CRIM1: variants seen among roughly 807,000 people sequenced by gnomAD.
The protein encoded by CRIM1 is cysteine rich transmembrane BMP regulator 1, also known as cysteine-rich motor neuron 1 protein.
CRIM1 carries 32 observed loss-of-function variants against 116.4 expected under a neutral mutation model. The observed-to-expected ratio is 0.27, with a 90% CI of 0.21 to 0.37. The LOEUF is 0.37. CRIM1 is among the 10% of genes least tolerant of loss of function. The probability of loss-of-function intolerance (pLI) is 1.00; values close to 1 mark genes in which losing one functional copy is unlikely to be tolerated. For synonymous variants in CRIM1, 590 were observed against 509.2 expected (o/e 1.16, Z -2.13); for missense variants, 1,331 against 1,354.8 (o/e 0.98, Z 0.28).
At chr2:36,441,638 C>A in intron 3 of CRIM1, 138 bp downstream of exon 3, 1 of 1,073,274 alleles carries the variant, frequency 9.3e-7, no homozygotes, top group Non-Finnish European at 1.3e-6. Flanking sequence ...CCACTTTGGG[C>A]TAATGGCAGC....
chr2:36,390,913 A>G (rs1156999106), intron 1 of CRIM1, among the ~76,000 whole-genome samples: 1 of 151,750 alleles, frequency 6.6e-6, no homozygotes, highest in African/African-American at 2.4e-5. Context: ...AGGTTCAAGC[A>G]ATTCTCATGC....
intron 4 of CRIM1, among the ~76,000 whole-genome samples, chr2:36,452,777 A>G (rs1676837859): frequency 6.6e-6 from 1 of 152,160 alleles, no homozygotes; most frequent in African/African-American, 2.4e-5. Context: ...GCTCTCAGTC[A>G]GTGGCTTCCA....
At chr2:36,492,619 G>C (rs1680305209) in intron 7 of CRIM1, among the ~76,000 whole-genome samples, 1 of 152,124 alleles carries the variant, frequency 6.6e-6, no homozygotes, top group African/African-American at 2.4e-5. Context: ...GACCAGTTAT[G>C]GGTCACATTT....
intron 1 of CRIM1, among the ~76,000 whole-genome samples, chr2:36,389,083 T>C (rs1021613771): frequency 1.3e-5 from 2 of 152,238 alleles, no homozygotes; most frequent in African/African-American, 4.8e-5. Context: ...TGGTTTATAG[T>C]TACATATGCT....
At chr2:36,431,392 C>G (rs181650080) in intron 2 of CRIM1, among the ~76,000 whole-genome samples, 2 of 152,318 alleles carry the variant, frequency 1.3e-5, no homozygotes, top group Admixed American at 1.3e-4. Flanking sequence ...TCAGCACCCT[C>G]TTTTTGTTCT....
chr2:36,434,203 G>A (rs1368372275), intron 2 of CRIM1, among the ~76,000 whole-genome samples: 1 of 152,226 alleles, frequency 6.6e-6, no homozygotes, highest in Non-Finnish European at 1.5e-5. Context: ...ACAAAGTAAT[G>A]CTGAATATAA....
At chr2:36,383,918 T>G (rs1479380936) in intron 1 of CRIM1, among the ~76,000 whole-genome samples, 1 of 152,194 alleles carries the variant, frequency 6.6e-6, no homozygotes, top group Non-Finnish European at 1.5e-5. Context: ...GGCCCTACTA[T>G]GTGCTGAGCC....
At chr2:36,520,650 C>G (rs1193235737) in intron 12 of CRIM1, among the ~76,000 whole-genome samples, 1 of 152,150 alleles carries the variant, frequency 6.6e-6, no homozygotes, top group Admixed American at 6.5e-5. Flanking sequence ...GATACAGTTA[C>G]TCAGTTTAAA....
At chr2:36,460,871 C>T (rs1677528180) in intron 4 of CRIM1, among the ~76,000 whole-genome samples, 1 of 152,204 alleles carries the variant, frequency 6.6e-6, no homozygotes, top group African/African-American at 2.4e-5. Context: ...AGAGAAGAAG[C>T]TGTTATCCGA....
intron 13 of CRIM1, among the ~76,000 whole-genome samples, chr2:36,534,248 G>A (rs1431902801): frequency 1.4e-5 from 2 of 138,090 alleles, no homozygotes; most frequent in African/African-American, 5.7e-5. Flanking sequence ...GAAGGAGGGA[G>A]GGGGAAGGAG....
chr2:36,459,162 T>C (rs1341076878), intron 4 of CRIM1, among the ~76,000 whole-genome samples: 2 of 152,212 alleles, frequency 1.3e-5, no homozygotes, highest in Non-Finnish European at 2.9e-5. Flanking sequence ...CACAAAGTTC[T>C]TGGAAAGTGG....
At chr2:36,536,165 C>A (rs373652159) in intron 13 of CRIM1, among the ~76,000 whole-genome samples, 3 of 152,316 alleles carry the variant, frequency 2.0e-5, no homozygotes, top group African/African-American at 7.2e-5. Context: ...GCACTCGCTG[C>A]AAAGCTTCGG....
intron 8 of CRIM1, 90 bp downstream of exon 8, chr2:36,499,437 G>C: frequency 1.5e-6 from 2 of 1,335,768 alleles, no homozygotes; most frequent in Non-Finnish European, 2.1e-6. Context: ...TTTCACTTCT[G>C]TTCAGACATT....
At chr2:36,464,490 G>T in intron 4 of CRIM1, 44 bp from the exon 5 acceptor site, 1 of 1,611,560 alleles carries the variant, frequency 6.2e-7, no homozygotes, top group Non-Finnish European at 8.5e-7. Flanking sequence ...CTTCTATGTT[G>T]TTGTTTATTC....
chr2:36,362,007 A>C (rs974215639), intron 1 of CRIM1, among the ~76,000 whole-genome samples: 2 of 152,140 alleles, frequency 1.3e-5, no homozygotes, highest in African/African-American at 2.4e-5. Flanking sequence ...TCATTCATTC[A>C]TTGGTCTTCT....
chr2:36,478,702 A>T (rs1260475823), intron 6 of CRIM1, among the ~76,000 whole-genome samples: 1 of 152,206 alleles, frequency 6.6e-6, no homozygotes, highest in Admixed American at 6.5e-5. Flanking sequence ...TCAGCACAGC[A>T]GTAGTTGTTT....
intron 13 of CRIM1, among the ~76,000 whole-genome samples, chr2:36,536,758 G>T (rs1207550211): frequency 6.6e-6 from 1 of 152,264 alleles, no homozygotes; most frequent in South Asian, 2.1e-4. Context: ...TGTATATACT[G>T]TACAGACAAA....
chr2:36,490,799 G>A (rs955834718), intron 7 of CRIM1, among the ~76,000 whole-genome samples: 3 of 152,130 alleles, frequency 2.0e-5, no homozygotes, highest in Admixed American at 6.6e-5. Flanking sequence ...GCCCATTCTT[G>A]TGCATATCCA....
intron 1 of CRIM1, among the ~76,000 whole-genome samples, chr2:36,394,650 G>T (rs1671877034): frequency 6.6e-6 from 1 of 151,554 alleles, no homozygotes; most frequent in East Asian, 1.9e-4. Context: ...ATATATGTAT[G>T]TTGTTTCTCA....
Sources: allele counts gnomAD v4.1 joint callset (sites outside exome capture counted in the v4.1 genomes callset), GRCh38; gene constraint gnomAD v4.1.1; transcripts MANE v1.5; gene names NCBI Gene and HGNC (gene_info 2026-07-23, HGNC 2026-07-21).